Variants in PACRG observed in about 807,000 individuals in gnomAD.
The protein encoded by PACRG is parkin coregulated gene protein.
In PACRG, 29 loss-of-function variants were observed where a neutral mutation model predicts 29.7. That is an observed-to-expected ratio of 0.98 (90% CI 0.73 to 1.33). PACRG has a LOEUF of 1.33. Among genes scored for constraint, PACRG ranks in the 40% most tolerant of loss-of-function variants. The pLI is 0.00. For missense variants in PACRG, 279 were observed against 316.2 expected (o/e 0.88, Z 0.89); for synonymous variants, 116 against 118.7 (o/e 0.98, Z 0.15).
intron 4 of PACRG, among the ~76,000 whole-genome samples, chr6:163,143,188 G>C (rs1777624599): frequency 6.6e-6 from 1 of 152,088 alleles, no homozygotes; most frequent in African/African-American, 2.4e-5. Context: ...AACTCTTAGT[G>C]TTAGTAAATC....
intron 2 of PACRG, among the ~76,000 whole-genome samples, chr6:162,881,879 C>G (rs2128016673): frequency 7.0e-6 from 1 of 143,088 alleles, no homozygotes; most frequent in Middle Eastern, 4.1e-3. Flanking sequence ...AGGGGGCGCT[C>G]TCCACCAAGA....
At chr6:163,256,554 A>G (rs574987359) in intron 4 of PACRG, among the ~76,000 whole-genome samples, 1 of 152,328 alleles carries the variant, frequency 6.6e-6, no homozygotes, top group African/African-American at 2.4e-5. Flanking sequence ...AGAAGGGGAC[A>G]TTGACAAAGA....
At chr6:163,012,702 G>A (rs999618060) in intron 2 of PACRG, among the ~76,000 whole-genome samples, 1 of 152,224 alleles carries the variant, frequency 6.6e-6, no homozygotes, top group African/African-American at 2.4e-5. Context: ...CTTTACTGGA[G>A]AAAGGACTGA....
chr6:163,023,695 A>C (rs573507669), intron 2 of PACRG, among the ~76,000 whole-genome samples: 1 of 152,208 alleles, frequency 6.6e-6, no homozygotes, highest in Admixed American at 6.5e-5. Context: ...TCCCACCAAC[A>C]GTGTATAAGT....
At chr6:163,217,958 A>G (rs1189744009) in intron 4 of PACRG, among the ~76,000 whole-genome samples, 2 of 152,176 alleles carry the variant, frequency 1.3e-5, no homozygotes, top group African/African-American at 4.8e-5. Flanking sequence ...TGCACAATCA[A>G]TGTAATGCAC....
At chr6:162,894,661 TA>T (rs553718990) in intron 2 of PACRG, among the ~76,000 whole-genome samples, 1 of 152,162 alleles carries the variant, frequency 6.6e-6, no homozygotes, top group African/African-American at 2.4e-5. Context: ...ATGCAATTTT[TA>T]AAAAAATGGT....
intron 1 of PACRG, among the ~76,000 whole-genome samples, chr6:162,745,407 A>G (rs1397465656): frequency 1.3e-5 from 2 of 152,128 alleles, no homozygotes; most frequent in South Asian, 2.1e-4. Flanking sequence ...GAGGGGAGGG[A>G]GAGCATCAGG....
chr6:163,023,393 A>G (rs868799277), intron 2 of PACRG, among the ~76,000 whole-genome samples: 6 of 152,230 alleles, frequency 3.9e-5, no homozygotes, highest in Non-Finnish European at 5.9e-5. Context: ...CGTTGCTGCA[A>G]AGGACATGAT....
Position 162,853,020 on chromosome 6 carries a change from A to T in PACRG, c.291+38739A>T, listed in dbSNP as rs1791059117. Among the ~76,000 whole-genome samples, 1 of 152,136 alleles carries T rather than the reference A, an allele frequency of 6.6e-6. No homozygotes were observed. Among genetic ancestry groups the T allele is most frequent in the Non-Finnish European group, 1.5e-5 (1 of 68,026 alleles). On this transcript the variant is annotated intron_variant, in intron 2 of 4. Transcript: ENST00000366888. This position sits in a 1 kb window ranked among gnomAD's most constrained non-coding sequence, Gnocchi z 4.7. Reference sequence around the variant, plus strand: ...TTCAAACGGAGCCTGTGGCCTGGTGACCTGGGGCCTTGCAGCCAGAGACAG... The same window carrying T: ...TTCAAACGGAGCCTGTGGCCTGGTGTCCTGGGGCCTTGCAGCCAGAGACAG...
chr6:163,157,019 AGTCACGG>A (rs1430419747), intron 4 of PACRG, among the ~76,000 whole-genome samples: 1 of 152,154 alleles, frequency 6.6e-6, no homozygotes, highest in East Asian at 1.9e-4. Context: ...ATAGTCACAT[AGTCACGG>A]GTTCCAGGAA....
intron 4 of PACRG, among the ~76,000 whole-genome samples, chr6:163,240,198 G>C (rs1782443010): frequency 6.6e-6 from 1 of 152,110 alleles, no homozygotes; most frequent in South Asian, 2.1e-4. Context: ...GGGCCTGTGG[G>C]GTGAGTGGGA....
intron 2 of PACRG, among the ~76,000 whole-genome samples, chr6:162,842,614 T>C (rs1337421384): frequency 1.6e-5 from 2 of 124,060 alleles, no homozygotes; most frequent in African/African-American, 6.6e-5. Context: ...TTAATATTGT[T>C]ATGTGTGAAT....
chr6:163,132,979 C>A (rs370854544), intron 4 of PACRG, among the ~76,000 whole-genome samples: 12 of 152,172 alleles, frequency 7.9e-5, no homozygotes, highest in African/African-American at 2.7e-4. Flanking sequence ...ATGATATTTA[C>A]AGTGTATGAG....
chr6:162,957,190 T>C (rs1800115671), intron 2 of PACRG: 9 of 326,330 alleles, frequency 2.8e-5, no homozygotes, highest in South Asian at 2.0e-4. Flanking sequence ...ACCTGGAGAA[T>C]GGATGTGTGG....
chr6:163,020,903 G>A (rs947857489), intron 2 of PACRG, among the ~76,000 whole-genome samples: 1 of 152,158 alleles, frequency 6.6e-6, no homozygotes, highest in African/African-American at 2.4e-5. Flanking sequence ...AACTCTTGCT[G>A]TTGTCTCCAA....
chr6:162,765,880 G>A (rs1782747711), intron 1 of PACRG, among the ~76,000 whole-genome samples: 1 of 151,974 alleles, frequency 6.6e-6, no homozygotes, highest in African/African-American at 2.4e-5. Flanking sequence ...TAAATGCTAT[G>A]GGAGTATTCA....
intron 2 of PACRG, among the ~76,000 whole-genome samples, chr6:162,958,205 A>G (rs1800214581): frequency 6.6e-6 from 1 of 152,222 alleles, no homozygotes; most frequent in African/African-American, 2.4e-5. Flanking sequence ...TTGCAAATCT[A>G]GCTGGCAAAA....
chr6:162,878,551 G>A (rs1395334821), intron 2 of PACRG, among the ~76,000 whole-genome samples: 1 of 152,172 alleles, frequency 6.6e-6, no homozygotes, highest in Non-Finnish European at 1.5e-5. Flanking sequence ...TGGATTCAAA[G>A]AGTGACATCA....
intron 3 of PACRG, among the ~76,000 whole-genome samples, chr6:163,082,699 A>G (rs1375002334): frequency 6.6e-6 from 1 of 152,142 alleles, no homozygotes; most frequent in Non-Finnish European, 1.5e-5. Flanking sequence ...TATGCTTTAT[A>G]GTTTACTTCT....
Sources: allele counts gnomAD v4.1 joint callset (sites outside exome capture counted in the v4.1 genomes callset), GRCh38; gene constraint gnomAD v4.1.1; non-coding constraint Gnocchi (gnomAD v3.1); transcripts MANE v1.5; gene names NCBI Gene and HGNC (gene_info 2026-07-23, HGNC 2026-07-21).